The following VAV1 variants were observed in gnomAD, a reference collection of about 807,000 sequenced individuals.
The protein encoded by VAV1 is vav guanine nucleotide exchange factor 1.
In VAV1, 33 loss-of-function variants were observed where a neutral mutation model predicts 128.1. The ratio of observed to expected loss-of-function variants is 0.26; its 90% CI spans 0.20 to 0.34. The LOEUF (loss-of-function observed/expected upper bound fraction) is 0.34, where lower values mean the gene tolerates loss of function less well. Ranked by LOEUF, VAV1 falls within the 10% of genes least tolerant of loss-of-function variation. VAV1 has a pLI of 1.00. For synonymous variants in VAV1, 394 were observed against 409.8 expected (o/e 0.96, Z 0.47); for missense variants, 715 against 1,093.7 (o/e 0.65, Z 4.88).
At chr19:6,838,282 C>T (rs908519098) in intron 21 of VAV1, among the ~76,000 whole-genome samples, 30 of 147,964 alleles carry the variant, frequency 2.0e-4, no homozygotes, top group Non-Finnish European at 3.7e-4. Context: ...TCCATCTATT[C>T]GTCATCTACA....
chr19:6,835,436 T>C (rs1049330231), intron 19 of VAV1, among the ~76,000 whole-genome samples: 4 of 152,178 alleles, frequency 2.6e-5, no homozygotes, highest in Non-Finnish European at 4.4e-5. Flanking sequence ...AAAATTTTTT[T>C]GCTCACGTTA....
chr19:6,789,900 A>AT (rs571502671), intron 1 of VAV1, among the ~76,000 whole-genome samples: 52 of 152,210 alleles, frequency 3.4e-4, no homozygotes, highest in African/African-American at 1.2e-3. Flanking sequence ...ACCTGGCCTT[A>AT]TTTTTTATTT....
At chr19:6,778,211 G>A (rs8100785) in intron 1 of VAV1, among the ~76,000 whole-genome samples, 78,839 of 151,988 alleles carry the variant, frequency 0.52, 22,431 homozygotes, top group African/African-American at 0.77. Flanking sequence ...TGTTAGGATT[G>A]CAGGCGTTAA....
At position 6,825,075 on chromosome 19, in the gene VAV1, G is replaced by A. The variant is rs759730093; in HGVS notation, c.677G>A (p.Arg226Gln). ...CAGCATTTCTTGAAGCCCCTGCAAC[G>A]GTTCCTGAAACCTCAAGACATTGAG... ...IQQHFLKPLQRFLKPQDIEII... is the reference protein window; with the variant it reads ...IQQHFLKPLQQFLKPQDIEII... The change falls in exon 7 of 27, where the codon CGG becomes CAG. Residue 226 changes from arginine (R) to glutamine (Q), a missense_variant. Coordinates refer to ENST00000602142, the MANE Select transcript of VAV1 (RefSeq NM_005428.4). 3 of 1,613,546 alleles carry A rather than the reference G, an allele frequency of 1.9e-6. No individual in the cohort carries two copies. The highest frequency in any genetic ancestry group is 2.2e-5 in the South Asian group (2 of 91,042).
In VAV1 at chr19:6,848,098, T is replaced by C; in HGVS notation, c.2113T>C (p.Phe705Leu). 1 of 1,553,474 alleles carries C rather than the reference T, an allele frequency of 6.4e-7. No individual in the cohort carries two copies. Among genetic ancestry groups the C allele is most frequent in the Non-Finnish European group, 8.6e-7 (1 of 1,156,502 alleles). The change falls in exon 23 of 27, where the codon TTT becomes CTT. Residue 705 changes from phenylalanine (F) to leucine (L), a missense_variant. Physicochemically the swap from Phe to Leu is conservative, Grantham distance 22. Around this residue, in one of 3 missense-constraint regions of VAV1, gnomAD observed 407 missense variants for 580.6 expected, o/e 0.70. Transcript: ENST00000602142. ...VRQRVKDAAE[F>L]AISIKYNVEV... ...GCAGAGGGTGAAGGATGCAGCAGAA[T>C]TTGCCATCAGCATTAAGTAACTCCT...
Position 6,853,883 on chromosome 19 carries a change from GC to G in VAV1, c.2333-59del. On this transcript the variant is annotated intron_variant, in intron 25 of 26. Transcript: ENST00000602142. The stretch of plus-strand genomic sequence containing the variant: ...TGGAGTTACTGTCCTGAGAGCTTGT[GC>G]CCCCAGAGAGTGAGTGGGTATCTGC... 5 of 1,573,026 alleles carry G rather than the reference GC, an allele frequency of 3.2e-6. No individual in the cohort carries two copies. In the South Asian group the frequency reaches 3.5e-5, roughly 11 times the overall value.
At chr19:6,792,656 C>G (rs1433540771) in intron 1 of VAV1, among the ~76,000 whole-genome samples, 3 of 152,074 alleles carry the variant, frequency 2.0e-5, no homozygotes, top group Admixed American at 6.6e-5. Context: ...AGGTGATCCT[C>G]CCATCCCAGC....
chr19:6,789,052 T>C (rs692397), intron 1 of VAV1, among the ~76,000 whole-genome samples: 38,174 of 152,076 alleles, frequency 0.25, 5,511 homozygotes, highest in African/African-American at 0.4. Flanking sequence ...GCACCTCTCC[T>C]CAGTATCTCC....
chr19:6,776,237 TATCCATCC>T (rs1186230050), intron 1 of VAV1, among the ~76,000 whole-genome samples: 7 of 108,012 alleles, frequency 6.5e-5, no homozygotes, highest in Admixed American at 2.9e-4. Context: ...TCCACTCATC[TATCCATCC>T]ATCCATCCAT....
rs548807366 is a variant in VAV1 at position 6,777,496 on chromosome 19, C to T, written c.204+4485C>T. On this transcript the variant is annotated intron_variant, in intron 1 of 26. Transcript: ENST00000602142. This position sits in a 1 kb window ranked among gnomAD's most constrained non-coding sequence, Gnocchi z 4.4. The stretch of plus-strand genomic sequence containing the variant: ...ACAGGGTATGAGGGGGGCACTTTGA[C>T]GAGGAGGGCTAGTGGTAAGGTGACA... Among the ~76,000 whole-genome samples, 127 of 152,258 alleles carry T rather than the reference C, an allele frequency of 8.3e-4. No individual in the cohort carries two copies. Among genetic ancestry groups the T allele is most frequent in the Non-Finnish European group, 1.0e-3 (69 of 68,020 alleles).
chr19:6,833,533 C>A lies in VAV1; in HGVS notation c.1616C>A (p.Thr539Asn). The change falls in exon 17 of 27, where the codon ACC (threonine) becomes AAC (asparagine). Residue 539 changes from threonine to asparagine, a missense_variant. By Grantham distance (65) the Thr-to-Asn change is moderately conservative. Transcript: ENST00000602142. ...CKACQMLLRG[T>N]FYQGYRCHRC... ...ATGTGTTCCCTGCATCTCAGAGGTA[C>A]CTTCTATCAGGGCTACCGCTGCCAT... 6.2e-7 allele frequency: 1 copy of A among 1,602,450 alleles called. No individual in the cohort carries two copies.
chr19:6,799,819 C>T (rs962957683), intron 1 of VAV1, among the ~76,000 whole-genome samples: 1 of 141,536 alleles, frequency 7.1e-6, no homozygotes, highest in African/African-American at 2.7e-5. Flanking sequence ...TGCACTCCAG[C>T]CTGGGTGACA....
At chr19:6,829,262 T>C (rs973663343) in intron 13 of VAV1, among the ~76,000 whole-genome samples, 3 of 146,706 alleles carry the variant, frequency 2.0e-5, no homozygotes, top group East Asian at 2.0e-4. Context: ...GAGCAAACCA[T>C]ATCTGTGGTG....
intron 22 of VAV1, among the ~76,000 whole-genome samples, chr19:6,847,178 C>T (rs1029451920): frequency 1.3e-5 from 2 of 152,190 alleles, no homozygotes; most frequent in African/African-American, 4.8e-5. Context: ...TCCCAAAGTG[C>T]TGGGATTACA....
chr19:6,840,472 A>T (rs965998476), intron 21 of VAV1, among the ~76,000 whole-genome samples: 12 of 151,490 alleles, frequency 7.9e-5, no homozygotes, highest in Admixed American at 3.9e-4. Context: ...CGCCTGGCTA[A>T]TTTTTTGTAT....
At chr19:6,843,081 T>C in intron 21 of VAV1, 54 bp from the exon 22 acceptor site, 1 of 1,581,872 alleles carries the variant, frequency 6.3e-7, no homozygotes, top group Middle Eastern at 1.8e-4. Flanking sequence ...CCCTGCCCTC[T>C]GCTGTCAAGC....
intron 1 of VAV1, among the ~76,000 whole-genome samples, chr19:6,776,434 ATCCAT>A: frequency 1.6e-5 from 1 of 60,736 alleles, no homozygotes; most frequent in South Asian, 4.8e-4. Context: ...CCATCCATCC[ATCCAT>A]CCATCCACCC....
At chr19:6,821,961 C>A in intron 4 of VAV1, 102 bp downstream of exon 4, 2 of 1,484,702 alleles carry the variant, frequency 1.3e-6, no homozygotes, top group Non-Finnish European at 1.9e-6. Flanking sequence ...TAAGGTCATA[C>A]CCTGGTGTCT....
intron 1 of VAV1, among the ~76,000 whole-genome samples, chr19:6,809,230 C>T (rs1042275380): frequency 7.9e-5 from 12 of 152,116 alleles, no homozygotes; most frequent in Admixed American, 2.6e-4. Context: ...TGTGCCACCA[C>T]ACCTGGCTAA....
Sources: allele counts gnomAD v4.1 joint callset (sites outside exome capture counted in the v4.1 genomes callset), GRCh38; gene constraint gnomAD v4.1.1; regional missense constraint gnomAD v4.1.1; non-coding constraint Gnocchi (gnomAD v3.1); transcripts MANE v1.5; gene names NCBI Gene and HGNC (gene_info 2026-07-23, HGNC 2026-07-21).